Variants in ANKRD31 observed in about 807,000 individuals in gnomAD.
ANKRD31 encodes ankyrin repeat domain 31.
ANKRD31 carries 147 observed loss-of-function variants against 186.0 expected under a neutral mutation model. The ratio of observed to expected loss-of-function variants is 0.79; its 90% CI spans 0.69 to 0.91. ANKRD31 has a LOEUF of 0.91. Ranked by LOEUF, ANKRD31 falls within the 40% of genes least tolerant of loss-of-function variation. The pLI, the probability that ANKRD31 is intolerant of heterozygous loss-of-function variation, is 0.00. For synonymous variants in ANKRD31, 673 were observed against 736.4 expected (o/e 0.91, Z 1.39); for missense variants, 1,986 against 2,148.8 (o/e 0.92, Z 1.50).
chr5:75,195,606 T>G, intron 7 of ANKRD31, 25 bp downstream of exon 7: 1 of 1,478,854 alleles, frequency 6.8e-7, no homozygotes, highest in Non-Finnish European at 9.0e-7. Flanking sequence ...AATGGTGGAG[T>G]AGAACAAAGA....
chr5:75,147,827 T>A (rs552235196), intron 13 of ANKRD31, among the ~76,000 whole-genome samples: 1 of 151,944 alleles, frequency 6.6e-6, no homozygotes, highest in Non-Finnish European at 1.5e-5. Flanking sequence ...AATTTTTATA[T>A]GCTTTTAAAT....
At chr5:75,208,000 T>C (rs1271921153) in intron 4 of ANKRD31, among the ~76,000 whole-genome samples, 3 of 152,124 alleles carry the variant, frequency 2.0e-5, no homozygotes, top group Non-Finnish European at 4.4e-5. Context: ...TATGTATAAA[T>C]TTTTAAATGA....
chr5:75,186,011 G>C (rs1057153183), intron 10 of ANKRD31, among the ~76,000 whole-genome samples: 1 of 152,106 alleles, frequency 6.6e-6, no homozygotes, highest in African/African-American at 2.4e-5. Context: ...AAGCCAGAAG[G>C]TGCTTTATTC....
rs1255477432 is a variant in ANKRD31, at chr5:75,115,280, T to C, written c.4155+1286A>G. 7.9e-5 allele frequency among the ~76,000 whole-genome samples: 12 copies of C among 151,320 alleles called. No individual in the cohort carries two copies. In the East Asian group the frequency reaches 1.9e-3, roughly 24 times the overall value. ...ATTCAAGATGGATTAAAGACTTAAA[T>C]GTTAGACCTAAAACCATAAAAACCC... On this transcript the variant is annotated intron_variant, in intron 19 of 25. Transcript: ENST00000506364.
rs780897903 is a variant in ANKRD31 at position 75,195,933 on chromosome 5, A to C, written c.715T>G (p.Leu239Val). 1.3e-6 allele frequency: 2 copies of C among 1,535,118 alleles called. No individual in the cohort carries two copies. Among genetic ancestry groups the C allele is most frequent in the Non-Finnish European group, 1.7e-6 (2 of 1,145,650 alleles). ...TSPESTQEER[L>V]FELVSDFDRK... is the part of the protein sequence containing the mutation. ...TCAAAATCACTTACTAATTCAAACAATCTTTCCTCCTGGGTGCTTTCTGGT... is the reference window on the plus strand; with the variant it reads ...TCAAAATCACTTACTAATTCAAACACTCTTTCCTCCTGGGTGCTTTCTGGT... Residue 239 changes from leucine to valine, a missense_variant, in exon 7 of 26, where the codon TTG becomes GTG. Transcript: ENST00000506364.
intron 24 of ANKRD31, among the ~76,000 whole-genome samples, chr5:75,083,590 C>A (rs1294904622): frequency 6.6e-6 from 1 of 152,078 alleles, no homozygotes; most frequent in Non-Finnish European, 1.5e-5. Flanking sequence ...ATTAGCCGGG[C>A]CTGGTAGTGT....
chr5:75,151,312 T>C (rs1405966704), intron 12 of ANKRD31, among the ~76,000 whole-genome samples: 1 of 151,986 alleles, frequency 6.6e-6, no homozygotes, highest in Non-Finnish European at 1.5e-5. Context: ...AGGAGATTGA[T>C]ATGGTTTGGC....
intron 17 of ANKRD31, among the ~76,000 whole-genome samples, chr5:75,122,672 G>A (rs928939879): frequency 3.9e-5 from 6 of 151,966 alleles, no homozygotes; most frequent in African/African-American, 1.4e-4. Flanking sequence ...CACAATTAAA[G>A]ACAAAAATTA....
intron 19 of ANKRD31, among the ~76,000 whole-genome samples, chr5:75,114,104 T>C (rs1164903854): frequency 3.3e-5 from 5 of 152,204 alleles, no homozygotes; most frequent in Admixed American, 6.6e-5. Flanking sequence ...TCAATCAATA[T>C]GTATATCTTA....
chr5:75,236,469 G>T, intron 1 of ANKRD31, 114 bp downstream of exon 1: 1 of 840,300 alleles, frequency 1.2e-6, no homozygotes, highest in East Asian at 2.9e-5. Flanking sequence ...CTCTGATCCT[G>T]CCCACAAGCA....
In ANKRD31 at chr5:75,105,064, T is replaced by C. The variant is rs866769810; in HGVS notation, c.4495A>G (p.Ser1499Gly). The C allele has an allele frequency of 7.2e-6, 11 of 1,536,886 alleles. No individual in the cohort carries two copies. Among genetic ancestry groups the C allele is most frequent in the African/African-American group, 2.7e-5 (2 of 72,986 alleles). The change falls in exon 22 of 26, where the codon AGT becomes GGT. Residue 1499 changes from serine (S) to glycine (G), a missense_variant. Coordinates refer to ENST00000506364, the MANE Select transcript of ANKRD31 (RefSeq NM_001372053.1). ...GATCTGGGTGGGAGCTTCCTTAAAC[T>C]AAGACAAGGCAATGATGTAACATTC... is the stretch of plus-strand genomic sequence containing the variant. ...CRNVTSLPCL[S>G]LRKLPPRSEI...
rs1316049543 is a variant in ANKRD31 at position 75,227,323 on chromosome 5, C to CA, written c.178+3238dup. Among the ~76,000 whole-genome samples the CA allele has an allele frequency of 5.3e-5, 8 of 151,404 alleles. No homozygotes were observed. The East Asian group carries it at 7.8e-4, about 15-fold the overall frequency. ...AGGATGTAGGGATGGTTAATGGGCA[C>CA]AAAAAAATAGAAAGAATGAATAAGA... is the stretch of plus-strand genomic sequence containing the variant. On this transcript the variant is annotated intron_variant, in intron 2 of 25. Transcript: ENST00000506364.
intron 10 of ANKRD31, among the ~76,000 whole-genome samples, chr5:75,186,738 A>G (rs969747488): frequency 6.6e-6 from 1 of 152,190 alleles, no homozygotes; most frequent in African/African-American, 2.4e-5. Flanking sequence ...CAAAGACAAA[A>G]ATATCATAAA....
chr5:75,148,977 A>T (rs1317001204), intron 12 of ANKRD31, among the ~76,000 whole-genome samples: 1 of 151,868 alleles, frequency 6.6e-6, no homozygotes, highest in Non-Finnish European at 1.5e-5. Flanking sequence ...TACTTTTATA[A>T]GGTGAAAAAT....
At chr5:75,211,059 A>T (rs1580565866) in intron 3 of ANKRD31, among the ~76,000 whole-genome samples, 194 bp from the exon 4 acceptor site, 1 of 152,164 alleles carries the variant, frequency 6.6e-6, no homozygotes, top group South Asian at 2.1e-4. Context: ...GGCATTAAGT[A>T]TACTCACACT....
chr5:75,075,579 T>C (rs904824547), intron 25 of ANKRD31, among the ~76,000 whole-genome samples: 2 of 152,130 alleles, frequency 1.3e-5, no homozygotes, highest in African/African-American at 4.8e-5. Flanking sequence ...TTGTATAAAA[T>C]ACAGGAAGTT....
chr5:75,224,465 A>G (rs1234509201), intron 2 of ANKRD31, among the ~76,000 whole-genome samples: 5 of 152,010 alleles, frequency 3.3e-5, no homozygotes, highest in Non-Finnish European at 5.9e-5. Context: ...GGTCAATGAA[A>G]CAAAACAATG....
chr5:75,222,492 TA>T (rs67593579), intron 2 of ANKRD31, 134 bp from the exon 3 acceptor site: 351 of 640,700 alleles, frequency 5.5e-4, no homozygotes, highest in African/African-American at 1.3e-3. Flanking sequence ...TCATTTCTTC[TA>T]AAAAAAAACG....
At chr5:75,231,430 G>A (rs921944006) in intron 1 of ANKRD31, among the ~76,000 whole-genome samples, 2 of 151,912 alleles carry the variant, frequency 1.3e-5, no homozygotes, top group Admixed American at 6.6e-5. Context: ...GGAACATCAC[G>A]TTAACAAAGA....
Sources: gnomAD v4.1 joint callset for allele counts (sites outside exome capture counted in the v4.1 genomes callset) on GRCh38, gnomAD v4.1.1 for gene constraint, MANE v1.5 for transcripts, NCBI Gene and HGNC (gene_info 2026-07-23, HGNC 2026-07-21) for gene names.